The following MBD4 variants were observed in gnomAD, a reference collection of about 807,000 sequenced individuals.
MBD4 encodes the protein methyl-CpG-binding domain protein 4.
MBD4 carries 53 observed loss-of-function variants against 60.2 expected under a neutral mutation model. The observed-to-expected ratio is 0.88, with a 90% CI of 0.71 to 1.11. The LOEUF is 1.11. Ranked by LOEUF, MBD4 falls within the 50% of genes least tolerant of loss-of-function variation. MBD4 has a pLI of 0.00. For missense variants in MBD4, 619 were observed against 674.0 expected (o/e 0.92, Z 0.90); for synonymous variants, 231 against 229.8 (o/e 1.01, Z -0.05).
At chr3:129,432,299 GCTGGA>G in intron 7 of MBD4, 199 bp downstream of exon 7, 2 of 1,489,890 alleles carry the variant, frequency 1.3e-6, no homozygotes, top group Non-Finnish European at 1.8e-6. Flanking sequence ...AGGCCACGCC[GCTGGA>G]CTGGTCTTTG....
Position 129,437,903 on chromosome 3 carries a change from T to A in MBD4, c.152A>T (p.Glu51Val). 1 of 1,614,048 alleles carries A rather than the reference T, an allele frequency of 6.2e-7. No homozygotes were observed. Among genetic ancestry groups the A allele is most frequent in the Non-Finnish European group, 8.5e-7 (1 of 1,179,890 alleles). Residue 51 changes from glutamate (E) to valine (V), a missense_variant, in exon 2 of 8, where the codon GAA (glutamate) becomes GTA (valine). By Grantham distance (121) the Glu-to-Val change is moderately radical. Transcript: ENST00000429544. Reference protein sequence around the residue: ...MELERVGEDEEQMMIKRSSEC... With the variant: ...MELERVGEDEVQMMIKRSSEC... ...ACTGCTTCTTTTTATCATCATTTGT[T>A]CCTCATCTTCTCCCACTCTTTCCAA...
At chr3:129,436,181 GGA>G (rs2107754515) in intron 3 of MBD4, among the ~76,000 whole-genome samples, 1 of 152,292 alleles carries the variant, frequency 6.6e-6, no homozygotes, top group East Asian at 1.9e-4. Context: ...GCTGCACCAG[GGA>G]GAGACGATGG....
At chr3:129,433,074 T>C (rs1352353505) in intron 6 of MBD4, 24 bp downstream of exon 6, 14 of 1,613,606 alleles carry the variant, frequency 8.7e-6, no homozygotes, top group Non-Finnish European at 9.3e-6. Context: ...ATTATGTTTT[T>C]CCTTTGGGTG....
At chr3:129,431,705 T>C (rs1053766782) in intron 7 of MBD4, 127 bp from the exon 8 acceptor site, 3 of 716,436 alleles carry the variant, frequency 4.2e-6, no homozygotes, top group South Asian at 1.5e-5. Context: ...CTAAAAGTTA[T>C]AACCTTTAAC....
rs145116757 is a variant in MBD4 at position 129,437,129 on chromosome 3, T to C, written c.515A>G (p.Asn172Ser). Residue 172 changes from asparagine (N) to serine (S), a missense_variant, in exon 3 of 8, where the codon AAC becomes AGC. Physicochemically the swap from Asn to Ser is conservative, Grantham distance 46 (BLOSUM62 1). Coordinates refer to ENST00000429544, the MANE Select transcript of MBD4 (RefSeq NM_001276270.2). The part of the protein sequence containing the change: ...ALTSHLQNQS[N>S]NSNWNLRTRS... The stretch of plus-strand genomic sequence containing the variant: ...GGTCCTGAGGTTCCAGTTTGAATTG[T>C]TACTTTGGTTTTGTAGATGGGATGT... 1.9e-6 allele frequency: 3 copies of C among 1,613,906 alleles called. No individual in the cohort carries two copies. Among genetic ancestry groups the C allele is most frequent in the South Asian group, 1.1e-5 (1 of 91,044 alleles).
At chr3:129,435,614 A>G (rs1009642298) in intron 3 of MBD4, among the ~76,000 whole-genome samples, 2 of 152,218 alleles carry the variant, frequency 1.3e-5, no homozygotes, top group African/African-American at 2.4e-5. Flanking sequence ...ACATAAAATC[A>G]TGGGTAGAAC....
chr3:129,434,040 G>A lies in MBD4; in HGVS notation c.1258+22C>T. 1.9e-6 allele frequency: 3 copies of A among 1,613,958 alleles called. No individual in the cohort carries two copies. The African/African-American group carries it at 4.0e-5, about 22-fold the overall frequency. ...ACCCAAAATGGAATTAGAATTTGCTGTTCTGATTGGGAAAGGGATACCTTC... is the reference window on the plus strand; with the variant it reads ...ACCCAAAATGGAATTAGAATTTGCTATTCTGATTGGGAAAGGGATACCTTC... On this transcript the variant is annotated intron_variant, in intron 4 of 7. Transcript: ENST00000429544.
At position 129,433,945 on chromosome 3, in the gene MBD4, G is replaced by T; in HGVS notation, c.1298C>A (p.Thr433Lys). The T allele has an allele frequency of 6.2e-7, 1 of 1,614,160 alleles. No individual in the cohort carries two copies. Among genetic ancestry groups the T allele is most frequent in the Non-Finnish European group, 8.5e-7 (1 of 1,180,012 alleles). Residue 433 changes from threonine to lysine, a missense_variant, in exon 5 of 8, where the codon ACA becomes AAA. Coordinates refer to ENST00000429544, the MANE Select transcript of MBD4 (RefSeq NM_001276270.2). Reference protein sequence around the residue: ...PPRRKAFKKWTPPRSPFNLVQ... With the variant: ...PPRRKAFKKWKPPRSPFNLVQ... ...GAGATTAAAAGGTGACCGAGGAGGT[G>T]TCCATTTCTTAAAGGCTTTACGTCG...
Position 129,431,262 on chromosome 3 carries a change from C to T in MBD4, c.*239G>A, listed in dbSNP as rs1410009445. 2.1e-5 allele frequency: 10 copies of T among 478,120 alleles called. No homozygotes were observed. The East Asian group carries it at 2.2e-4, about 11-fold the overall frequency. The allele number at this position is 478,120 out of a possible 1,614,324, so 29.6% of individuals were successfully genotyped here. On this transcript the variant is annotated 3_prime_UTR_variant, in exon 8 of 8. Coordinates refer to ENST00000429544, the MANE Select transcript of MBD4 (RefSeq NM_001276270.2). ...GATTATATTTCATCATTGGAAAAGC[C>T]GTATTTTTTTTGGATTGTTGTCAAA...
At chr3:129,433,791 A>G (rs1302780730) in intron 5 of MBD4, 59 bp downstream of exon 5, 3 of 1,608,554 alleles carry the variant, frequency 1.9e-6, no homozygotes, top group Non-Finnish European at 2.6e-6. Context: ...GCCTCAATTC[A>G]GTGCTTTCTC....
At chr3:129,434,334 T>C (rs1189556248) in intron 3 of MBD4, among the ~76,000 whole-genome samples, 198 bp from the exon 4 acceptor site, 1 of 152,192 alleles carries the variant, frequency 6.6e-6, no homozygotes, top group Non-Finnish European at 1.5e-5. Flanking sequence ...GATAAGGACA[T>C]TGAGGCACAG....
chr3:129,432,146 T>C (rs750537733), intron 7 of MBD4: 293 of 1,294,358 alleles, frequency 2.3e-4, no homozygotes, highest in South Asian at 4.5e-4. Context: ...CCAATATGCA[T>C]ACATTGCAGG....
intron 5 of MBD4, 124 bp from the exon 6 acceptor site, chr3:129,433,371 A>C: frequency 9.5e-7 from 1 of 1,050,680 alleles, no homozygotes; most frequent in Non-Finnish European, 1.4e-6. Flanking sequence ...AAAACAAAAA[A>C]ACACTGGTGA....
intron 5 of MBD4, chr3:129,433,517 G>A: frequency 5.1e-6 from 3 of 589,146 alleles, no homozygotes; most frequent in Non-Finnish European, 9.0e-6. Context: ...AGCAGATAAT[G>A]AGAGTAGAAG....
At chr3:129,432,986 G>T in intron 6 of MBD4, 112 bp downstream of exon 6, 1 of 1,390,542 alleles carries the variant, frequency 7.2e-7, no homozygotes, top group Non-Finnish European at 1.0e-6. Flanking sequence ...TTGGGTGCTT[G>T]AGCTGAAAAA....
intron 3 of MBD4, among the ~76,000 whole-genome samples, chr3:129,434,422 C>T (rs1170255961): frequency 6.6e-6 from 1 of 152,204 alleles, no homozygotes; most frequent in Non-Finnish European, 1.5e-5. Context: ...AGTCTGGCTC[C>T]TGAGTCCTCA....
At chr3:129,439,114 G>A (rs1161835515) in intron 1 of MBD4, among the ~76,000 whole-genome samples, 1 of 152,192 alleles carries the variant, frequency 6.6e-6, no homozygotes, top group East Asian at 1.9e-4. Flanking sequence ...TCTACAAATA[G>A]GGAAACTGCA....
At position 129,432,739 on chromosome 3, in the gene MBD4, G is replaced by C. The variant is rs545415734; in HGVS notation, c.1544-133C>G. 1.8e-4 allele frequency: 156 copies of C among 852,586 alleles called. No individual in the cohort carries two copies. The African/African-American group carries it at 2.4e-3, about 13-fold the overall frequency. The allele number at this position is 852,586 out of a possible 1,614,324, so 52.8% of individuals were successfully genotyped here. On this transcript the variant is annotated intron_variant, in intron 6 of 7. Coordinates refer to ENST00000429544, the MANE Select transcript of MBD4 (RefSeq NM_001276270.2). ...GCTCTTTCCCAGCAACCCCAGTTGT[G>C]ATTACTCTTCCTTCTGAATTCCTGC...
At chr3:129,432,357 A>C (rs1269624071) in intron 7 of MBD4, 146 bp downstream of exon 7, 3 of 1,543,402 alleles carry the variant, frequency 1.9e-6, no homozygotes, top group African/African-American at 2.7e-5. Flanking sequence ...CAAAACCCAC[A>C]TGCCACCCGC....
Sources: allele counts gnomAD v4.1 joint callset (sites outside exome capture counted in the v4.1 genomes callset), GRCh38; gene constraint gnomAD v4.1.1; transcripts MANE v1.5; gene names NCBI Gene and HGNC (gene_info 2026-07-23, HGNC 2026-07-21).